Variants in FCHO2 observed in about 807,000 individuals in gnomAD.
FCHO2 encodes F-BAR domain only protein 2.
In FCHO2, 43 loss-of-function variants were observed where a neutral mutation model predicts 114.1. That is an observed-to-expected ratio of 0.38 (90% CI 0.30 to 0.49). FCHO2 has a LOEUF of 0.49. Ranked by LOEUF, FCHO2 falls within the 20% of genes least tolerant of loss-of-function variation. The pLI, the probability that FCHO2 is intolerant of heterozygous loss-of-function variation, is 0.97. For missense variants in FCHO2, 807 were observed against 950.4 expected (o/e 0.85, Z 1.98); for synonymous variants, 293 against 315.2 (o/e 0.93, Z 0.75).
intron 24 of FCHO2, 93 bp from the exon 25 acceptor site, chr5:73,087,496 G>A: frequency 1.4e-6 from 2 of 1,399,438 alleles, no homozygotes; most frequent in Non-Finnish European, 2.0e-6. Flanking sequence ...ATGTAGCACA[G>A]GACTGATGTA....
intron 6 of FCHO2, among the ~76,000 whole-genome samples, chr5:73,012,736 G>A (rs1755090399): frequency 6.6e-6 from 1 of 152,012 alleles, no homozygotes; most frequent in African/African-American, 2.4e-5. Flanking sequence ...GTATACTCAA[G>A]CATTTGAGAC....
intron 12 of FCHO2, among the ~76,000 whole-genome samples, chr5:73,051,820 T>C (rs1459062481): frequency 6.6e-6 from 1 of 152,200 alleles, no homozygotes; most frequent in Non-Finnish European, 1.5e-5. Flanking sequence ...ACCACCTGCG[T>C]TGGCCTCCCA....
intron 6 of FCHO2, 85 bp downstream of exon 6, chr5:73,006,634 T>C: frequency 1.1e-6 from 1 of 912,508 alleles, no homozygotes; most frequent in Non-Finnish European, 1.5e-6. Context: ...AATTTTTTAG[T>C]GTTGGAAGTT....
chr5:72,972,195 G>T (rs1172721930), intron 2 of FCHO2, among the ~76,000 whole-genome samples: 2 of 151,926 alleles, frequency 1.3e-5, no homozygotes, highest in East Asian at 3.9e-4. Flanking sequence ...CTCTTTTTTG[G>T]TTCCATATGA....
chr5:72,998,309 A>G (rs538946245), intron 5 of FCHO2, among the ~76,000 whole-genome samples: 2 of 152,128 alleles, frequency 1.3e-5, no homozygotes, highest in African/African-American at 4.8e-5. Context: ...AACACGGTGA[A>G]ACCCCATCTC....
At chr5:72,998,657 G>A (rs760479229) in intron 5 of FCHO2, among the ~76,000 whole-genome samples, 42 of 150,178 alleles carry the variant, frequency 2.8e-4, no homozygotes, top group South Asian at 6.4e-4. Context: ...GTTAAATACC[G>A]TTGTCTTCTT....
chr5:72,997,236 AT>A, intron 5 of FCHO2: 1 of 1,151,866 alleles, frequency 8.7e-7, no homozygotes, highest in Non-Finnish European at 1.3e-6. Context: ...TTCTTTGTAC[AT>A]TAGAGGCCCC....
chr5:73,063,574 A>G (rs1459749619), intron 17 of FCHO2, among the ~76,000 whole-genome samples: 1 of 152,090 alleles, frequency 6.6e-6, no homozygotes, highest in African/African-American at 2.4e-5. Flanking sequence ...TTTAATTTTT[A>G]TATGTATAGA....
At chr5:72,971,161 A>G (rs1198682567) in intron 2 of FCHO2, among the ~76,000 whole-genome samples, 1 of 152,108 alleles carries the variant, frequency 6.6e-6, no homozygotes, top group Admixed American at 6.6e-5. Flanking sequence ...CAATAAACAT[A>G]CATATGCATG....
intron 5 of FCHO2, among the ~76,000 whole-genome samples, chr5:72,992,216 G>GA (rs900500326): frequency 2.0e-5 from 3 of 152,060 alleles, no homozygotes; most frequent in Middle Eastern, 3.4e-3. Flanking sequence ...TGTCACAGAT[G>GA]AAAAAAATGA....
intron 6 of FCHO2, among the ~76,000 whole-genome samples, chr5:73,015,071 G>A (rs112735213): frequency 0.013 from 1,198 of 90,876 alleles, 23 homozygotes; most frequent in African/African-American, 0.05. Context: ...GCAAGACTCC[G>A]TCTCAAAAAA....
chr5:72,986,544 C>T (rs1753532418), intron 2 of FCHO2, among the ~76,000 whole-genome samples: 1 of 152,134 alleles, frequency 6.6e-6, no homozygotes, highest in Admixed American at 6.5e-5. Flanking sequence ...TTCTTAACTG[C>T]CCCTTAAGTT....
At chr5:72,992,856 A>G (rs1753877568) in intron 5 of FCHO2, among the ~76,000 whole-genome samples, 1 of 152,166 alleles carries the variant, frequency 6.6e-6, no homozygotes, top group Non-Finnish European at 1.5e-5. Flanking sequence ...GGGTGAGCAT[A>G]AAGTATAAAG....
chr5:72,970,104 T>G (rs902402884), intron 2 of FCHO2, among the ~76,000 whole-genome samples: 1 of 152,168 alleles, frequency 6.6e-6, no homozygotes, highest in Non-Finnish European at 1.5e-5. Flanking sequence ...GTTGGAGTGG[T>G]TTTTTTGAAA....
chr5:73,079,983 GA>G (rs1289863089), intron 22 of FCHO2, among the ~76,000 whole-genome samples: 1 of 152,168 alleles, frequency 6.6e-6, no homozygotes, highest in East Asian at 1.9e-4. Context: ...ATGAAACCCA[GA>G]AGCCATGTAA....
intron 8 of FCHO2, 97 bp from the exon 9 acceptor site, chr5:73,034,560 A>T: frequency 1.1e-6 from 1 of 884,152 alleles, no homozygotes; most frequent in Non-Finnish European, 1.7e-6. Context: ...GTTGTCAATT[A>T]AAAGTAGAAT....
intron 8 of FCHO2, chr5:73,020,811 C>T: frequency 2.2e-6 from 2 of 920,434 alleles, no homozygotes; most frequent in Non-Finnish European, 3.7e-6. Flanking sequence ...CTTGAATGGT[C>T]CTGTCTGCGA....
chr5:73,077,230 A>G, intron 20 of FCHO2, 108 bp from the exon 21 acceptor site: 1 of 844,126 alleles, frequency 1.2e-6, no homozygotes, highest in South Asian at 2.2e-5. Context: ...ACACACATAT[A>G]GGTGCGTGTG....
chr5:72,993,751 A>G (rs1753931199), intron 5 of FCHO2, among the ~76,000 whole-genome samples: 1 of 152,196 alleles, frequency 6.6e-6, no homozygotes, highest in African/African-American at 2.4e-5. Context: ...TGAGGAAGTA[A>G]TGGCTTTGAT....
Sources: gnomAD v4.1 joint callset for allele counts (sites outside exome capture counted in the v4.1 genomes callset) on GRCh38, gnomAD v4.1.1 for gene constraint, MANE v1.5 for transcripts, NCBI Gene and HGNC (gene_info 2026-07-23, HGNC 2026-07-21) for gene names.